KIT: variants seen among roughly 807,000 people sequenced by gnomAD.
KIT encodes the protein KIT proto-oncogene, receptor tyrosine kinase.
KIT carries 16 observed loss-of-function variants against 105.7 expected under a neutral mutation model. That is an observed-to-expected ratio of 0.15 (90% CI 0.10 to 0.23). The LOEUF (loss-of-function observed/expected upper bound fraction) is 0.23, where lower values mean the gene tolerates loss of function less well. KIT is among the 10% of genes least tolerant of loss of function. KIT has a pLI of 1.00. For missense variants in KIT, 858 were observed against 1,213.8 expected, an observed-to-expected ratio of 0.71 and a Z score of 4.36; for synonymous variants, 438 against 441.1, an observed-to-expected ratio of 0.99 and a Z score of 0.09.
chr4:54,731,304 C>A (rs72549298), intron 14 of KIT, 24 bp from the exon 15 acceptor site: 1 of 1,545,382 alleles, frequency 6.5e-7, no homozygotes, highest in Non-Finnish European at 8.9e-7. Context: ...TTGATTCAGT[C>A]ATGACTTGTT....
At chr4:54,666,578 A>AT (rs988610370) in intron 1 of KIT, among the ~76,000 whole-genome samples, 86 of 147,610 alleles carry the variant, frequency 5.8e-4, no homozygotes, top group Non-Finnish European at 6.3e-4. Flanking sequence ...GCACCCGGCA[A>AT]TTTTTTTTTT....
intron 1 of KIT, among the ~76,000 whole-genome samples, chr4:54,678,330 TTCCTTCCTTCCTTCCTTCCTTCCC>T (rs1185654328): frequency 0.018 from 1,822 of 99,986 alleles, 91 homozygotes; most frequent in African/African-American, 0.076. Flanking sequence ...CCTTCCTTCC[TTCCTTCCTTCCTTCCTTCCTTCCC>T]TCCCTCCCTC....
intron 13 of KIT, 70 bp from the exon 14 acceptor site, chr4:54,729,265 T>A (rs1722433127): frequency 3.9e-6 from 6 of 1,547,964 alleles, no homozygotes; most frequent in Non-Finnish European, 5.3e-6. Context: ...CACCCTTGGG[T>A]ATTTTTATGG....
At chr4:54,717,297 C>T (rs1354599356) in intron 7 of KIT, among the ~76,000 whole-genome samples, 1 of 152,198 alleles carries the variant, frequency 6.6e-6, no homozygotes, top group African/African-American at 2.4e-5. Context: ...ATCTTTCCCT[C>T]CTCAAAGGCT....
intron 1 of KIT, among the ~76,000 whole-genome samples, chr4:54,694,747 C>T (rs1299828280): frequency 6.6e-6 from 1 of 152,132 alleles, no homozygotes; most frequent in African/African-American, 2.4e-5. Flanking sequence ...GGACTTTTCC[C>T]CAGCATCTAG....
intron 4 of KIT, among the ~76,000 whole-genome samples, chr4:54,702,960 C>T (rs1720545397): frequency 6.6e-6 from 1 of 152,106 alleles, no homozygotes. Flanking sequence ...TTGGAAGATG[C>T]AGAAAGCTAT....
intron 7 of KIT, among the ~76,000 whole-genome samples, chr4:54,719,745 G>T (rs1721742792): frequency 6.6e-6 from 1 of 152,136 alleles, no homozygotes; most frequent in South Asian, 2.1e-4. Flanking sequence ...TATCTTTAAA[G>T]GCAAGATGTA....
At chr4:54,710,843 ATGTTT>A (rs745840782) in intron 7 of KIT, among the ~76,000 whole-genome samples, 1 of 151,938 alleles carries the variant, frequency 6.6e-6, no homozygotes, top group African/African-American at 2.4e-5. Flanking sequence ...GCCCAGCTAG[ATGTTT>A]TGTTTGTTTG....
rs1723194416 is a variant in KIT, at chr4:54,740,702, C to G, written c.*2145C>G. 1 of 229,574 alleles carries G rather than the reference C, an allele frequency of 4.4e-6. No homozygotes were observed. Among genetic ancestry groups the G allele is most frequent in the African/African-American group, 2.2e-5 (1 of 45,088 alleles). 14.2% of individuals were successfully genotyped at this position (229,574 alleles called of 1,614,324 possible). A position where few individuals can be genotyped will look rare whatever the true frequency, so the allele number is the denominator to read the frequency against. ...TTCTGAAGAATTCTAATAAAATGTA[C>G]ATATATAAATCAAGTGGAGTCATTT... On this transcript the variant is annotated 3_prime_UTR_variant, in exon 21 of 21. Coordinates refer to ENST00000288135, the MANE Select transcript of KIT (RefSeq NM_000222.3).
At chr4:54,736,402 C>T in intron 17 of KIT, 96 bp from the exon 18 acceptor site, 1 of 966,950 alleles carries the variant, frequency 1.0e-6, no homozygotes, top group Non-Finnish European at 1.7e-6. Context: ...TATCACTCCA[C>T]ATTTCAGCAA....
At chr4:54,715,856 A>G (rs1049969683) in intron 7 of KIT, among the ~76,000 whole-genome samples, 1 of 152,180 alleles carries the variant, frequency 6.6e-6, no homozygotes, top group African/African-American at 2.4e-5. Flanking sequence ...ACCTTTATCC[A>G]GAGTAAAATA....
chr4:54,709,319 T>C (rs188280359), intron 6 of KIT, 105 bp from the exon 7 acceptor site: 2 of 760,116 alleles, frequency 2.6e-6, no homozygotes, highest in East Asian at 2.6e-5. Context: ...AAATGAGTTA[T>C]ATTTTTCCTC....
chr4:54,716,066 C>T (rs1363965280), intron 7 of KIT, among the ~76,000 whole-genome samples: 1 of 152,182 alleles, frequency 6.6e-6, no homozygotes, highest in Admixed American at 6.5e-5. Flanking sequence ...CAAACACATG[C>T]GCGTCCAAAC....
chr4:54,677,831 T>C (rs1319165158), intron 1 of KIT, among the ~76,000 whole-genome samples: 2 of 152,220 alleles, frequency 1.3e-5, no homozygotes, highest in African/African-American at 2.4e-5. Flanking sequence ...GCTGATTTAA[T>C]AGAAAGCTTG....
intron 1 of KIT, among the ~76,000 whole-genome samples, chr4:54,669,662 AT>A (rs1278998322): frequency 6.7e-6 from 1 of 150,198 alleles, no homozygotes; most frequent in Non-Finnish European, 1.5e-5. Context: ...TTAGTGAATT[AT>A]TTTTCTCTCC....
At chr4:54,729,573 A>G in intron 14 of KIT, 88 bp downstream of exon 14, 3 of 1,276,472 alleles carry the variant, frequency 2.4e-6, no homozygotes, top group Non-Finnish European at 3.4e-6. Context: ...TCTTTAAAAA[A>G]TGAACTGAGG....
intron 1 of KIT, among the ~76,000 whole-genome samples, chr4:54,676,798 C>CA (rs1718508577): frequency 6.6e-6 from 1 of 152,254 alleles, no homozygotes; most frequent in South Asian, 2.1e-4. Context: ...GCTGCACCCC[C>CA]AAAGGTGTCC....
intron 11 of KIT, 104 bp downstream of exon 11, chr4:54,727,646 T>C (rs1722323628): frequency 6.7e-7 from 1 of 1,492,584 alleles, no homozygotes; most frequent in Admixed American, 1.7e-5. Context: ...CCTGAAACAA[T>C]GAGTTTTCTG....
chr4:54,673,926 C>T (rs765685459), intron 1 of KIT, among the ~76,000 whole-genome samples: 3 of 152,046 alleles, frequency 2.0e-5, no homozygotes, highest in Admixed American at 6.6e-5. Context: ...TGTGCCACCA[C>T]GCCCAGCTAA....
Sources: gnomAD v4.1 joint callset for allele counts (sites outside exome capture counted in the v4.1 genomes callset) on GRCh38, gnomAD v4.1.1 for gene constraint, MANE v1.5 for transcripts, NCBI Gene and HGNC (gene_info 2026-07-23, HGNC 2026-07-21) for gene names.